CREB5: variants seen among roughly 807,000 people sequenced by gnomAD.
CREB5 encodes cyclic AMP-responsive element-binding protein 5.
A neutral mutation model predicts 57.1 loss-of-function variants in CREB5; 19 were observed. The ratio of observed to expected loss-of-function variants is 0.33; its 90% confidence interval spans 0.23 to 0.49. The LOEUF is 0.49. Ranked by LOEUF, CREB5 falls within the 20% of genes least tolerant of loss-of-function variation. The pLI is 0.99. For missense variants in CREB5, 579 were observed against 671.6 expected (o/e 0.86, Z 1.52); for synonymous variants, 238 against 238.3 (o/e 1.00, Z 0.01).
chr7:28,574,294 C>T (rs1170763396), intron 5 of CREB5, among the ~76,000 whole-genome samples: 1 of 152,170 alleles, frequency 6.6e-6, no homozygotes, highest in Non-Finnish European at 1.5e-5. Flanking sequence ...AGTATCTCTC[C>T]TCCAGTCATT....
chr7:28,548,685 A>C (rs1794508810), intron 4 of CREB5, among the ~76,000 whole-genome samples: 1 of 151,736 alleles, frequency 6.6e-6, no homozygotes, highest in Non-Finnish European at 1.5e-5. Context: ...TTTGGAAAAC[A>C]TAGCAGATTC....
At chr7:28,734,185 A>G (rs1803830171) in intron 7 of CREB5, among the ~76,000 whole-genome samples, 1 of 138,952 alleles carries the variant, frequency 7.2e-6, no homozygotes, top group African/African-American at 2.7e-5. Context: ...CCCTTGCTGC[A>G]GGCCCAAGGC....
At chr7:28,612,385 C>T (rs1287612150) in intron 5 of CREB5, among the ~76,000 whole-genome samples, 1 of 151,942 alleles carries the variant, frequency 6.6e-6, no homozygotes. Flanking sequence ...AATTCAAGCC[C>T]TCTAGCTCAC....
At chr7:28,547,147 C>T (rs1436651857) in intron 4 of CREB5, among the ~76,000 whole-genome samples, 3 of 152,200 alleles carry the variant, frequency 2.0e-5, no homozygotes, top group Non-Finnish European at 2.9e-5. Context: ...TTTTCAAGAT[C>T]ACCATTCTTG....
At chr7:28,765,024 C>T (rs1346283244) in intron 7 of CREB5, among the ~76,000 whole-genome samples, 2 of 152,180 alleles carry the variant, frequency 1.3e-5, no homozygotes, top group Non-Finnish European at 2.9e-5. Context: ...CATGAAACAT[C>T]TAGAATATGG....
At chr7:28,731,683 G>C (rs1169523054) in intron 7 of CREB5, among the ~76,000 whole-genome samples, 2 of 152,216 alleles carry the variant, frequency 1.3e-5, no homozygotes, top group African/African-American at 4.8e-5. Flanking sequence ...GTCATCCGCT[G>C]GTTGCTGTGA....
chr7:28,609,421 A>T (rs962924800), intron 5 of CREB5, among the ~76,000 whole-genome samples: 10 of 152,210 alleles, frequency 6.6e-5, no homozygotes, highest in African/African-American at 2.4e-4. Flanking sequence ...CCTGTTAAGA[A>T]TAATATTTGT....
chr7:28,648,113 T>C (rs181936844), intron 5 of CREB5, among the ~76,000 whole-genome samples: 404 of 152,274 alleles, frequency 2.7e-3, no homozygotes, highest in Non-Finnish European at 2.5e-3. Context: ...AGTTATTTTT[T>C]AATGCAAAGT....
At chr7:28,438,148 G>A (rs1349713500) in intron 1 of CREB5, among the ~76,000 whole-genome samples, 1 of 152,110 alleles carries the variant, frequency 6.6e-6, no homozygotes, top group Non-Finnish European at 1.5e-5. Context: ...CACATTGATT[G>A]TTATGTAACA....
chr7:28,390,553 C>T (rs1369923061), intron 1 of CREB5, among the ~76,000 whole-genome samples: 1 of 152,176 alleles, frequency 6.6e-6, no homozygotes, highest in African/African-American at 2.4e-5. Flanking sequence ...AAACTTCTCC[C>T]TTTATTACTT....
intron 4 of CREB5, among the ~76,000 whole-genome samples, chr7:28,548,061 A>T (rs1386592379): frequency 2.6e-5 from 4 of 152,210 alleles, no homozygotes; most frequent in Non-Finnish European, 5.9e-5. Context: ...TTCTTCATTT[A>T]GTTCTTGATT....
At chr7:28,353,427 C>T (rs953861578) in intron 1 of CREB5, among the ~76,000 whole-genome samples, 1 of 152,140 alleles carries the variant, frequency 6.6e-6, no homozygotes, top group Non-Finnish European at 1.5e-5. Flanking sequence ...GTGATGGCTT[C>T]TCAGAAATGA....
chr7:28,725,647 A>T (rs112271384), intron 7 of CREB5, among the ~76,000 whole-genome samples: 4,590 of 140,842 alleles, frequency 0.033, 48 homozygotes, highest in Middle Eastern at 0.038. Context: ...TCTTTTTTTA[A>T]AAAAAAAAAA....
At chr7:28,784,371 A>G (rs775526267) in intron 7 of CREB5, among the ~76,000 whole-genome samples, 2 of 152,114 alleles carry the variant, frequency 1.3e-5, no homozygotes, top group African/African-American at 2.4e-5. Flanking sequence ...CTGGAGTGCA[A>G]TCAAAATGTG....
At chr7:28,613,621 G>A (rs962215665) in intron 5 of CREB5, among the ~76,000 whole-genome samples, 10 of 152,158 alleles carry the variant, frequency 6.6e-5, no homozygotes, top group African/African-American at 1.9e-4. Flanking sequence ...TTCATTCACC[G>A]ATTACTGGTC....
chr7:28,724,492 T>C (rs2066979), intron 7 of CREB5, 160 bp downstream of exon 7: 363,879 of 612,588 alleles, frequency 0.59, 110,937 homozygotes, highest in Admixed American at 0.7. Flanking sequence ...AGGATGTTTG[T>C]TACAGAGCCT....
chr7:28,784,244 G>A lies in CREB5; in HGVS notation c.703-19955G>A, dbSNP rs151000786. On this transcript the variant is annotated intron_variant, in intron 7 of 10. Transcript: ENST00000357727. ...GTTTCCACTTGCCTGCAGGGCCTGC[G>A]AGAGAGACAGCTTGACACAGGAATC... Among the ~76,000 whole-genome samples the A allele has an allele frequency of 2.1e-3, 316 of 152,328 alleles. 3 individuals are homozygous for A. Among genetic ancestry groups the A allele is most frequent in the Middle Eastern group, 6.8e-3 (2 of 294 alleles).
At chr7:28,364,110 G>A (rs1474678802) in intron 1 of CREB5, among the ~76,000 whole-genome samples, 1 of 152,156 alleles carries the variant, frequency 6.6e-6, no homozygotes, top group Non-Finnish European at 1.5e-5. Flanking sequence ...TCTTACCTGT[G>A]AATGGCTTAA....
intron 2 of CREB5, among the ~76,000 whole-genome samples, chr7:28,493,912 G>T (rs1791910064): frequency 6.6e-6 from 1 of 152,138 alleles, no homozygotes; most frequent in Admixed American, 6.5e-5. Flanking sequence ...GATAATAGGT[G>T]GGCAAGGTCT....
Sources: allele counts gnomAD v4.1 joint callset (sites outside exome capture counted in the v4.1 genomes callset), GRCh38; gene constraint gnomAD v4.1.1; transcripts MANE v1.5; gene names NCBI Gene and HGNC (gene_info 2026-07-23, HGNC 2026-07-21).